The following RNPS1 variants were observed in gnomAD, a reference collection of about 807,000 sequenced individuals.
RNPS1 encodes RNA-binding protein with serine-rich domain 1.
For missense variants in RNPS1, 300 were observed against 427.6 expected, an observed-to-expected ratio of 0.70 and a Z score of 2.63; for synonymous variants, 147 against 150.0, an observed-to-expected ratio of 0.98 and a Z score of 0.15.
In RNPS1 at chr16:2,261,612, G is replaced by A. The variant is rs571225055; in HGVS notation, c.676+666C>T. 9.8e-5 allele frequency among the ~76,000 whole-genome samples: 15 copies of A among 152,346 alleles called. 1 individual carries two copies. The South Asian group carries it at 2.5e-3, about 25-fold the overall frequency. ...TAACAAGTGTTTTAGTACTGTCTGAGTAGTTAAATATTAAAAGCCAAGGCC... is the reference window on the plus strand; with the variant it reads ...TAACAAGTGTTTTAGTACTGTCTGAATAGTTAAATATTAAAAGCCAAGGCC... On this transcript the variant is annotated intron_variant, in intron 6 of 7. Coordinates refer to ENST00000320225, the MANE Select transcript of RNPS1 (RefSeq NM_080594.4).
At chr16:2,259,302 A>G (rs1567323619) in intron 6 of RNPS1, among the ~76,000 whole-genome samples, 3 of 152,196 alleles carry the variant, frequency 2.0e-5, no homozygotes, top group Non-Finnish European at 1.5e-5. Context: ...AAAATCACGT[A>G]AAACTCCTAC....
At chr16:2,254,509 G>C (rs568921025) in intron 7 of RNPS1, among the ~76,000 whole-genome samples, 1 of 152,214 alleles carries the variant, frequency 6.6e-6, no homozygotes, top group Admixed American at 6.5e-5. Context: ...GTGTTAGCCA[G>C]GATGGTCTCG....
At position 2,253,712 on chromosome 16, in the gene RNPS1, T is replaced by A. The variant is rs547958616; in HGVS notation, c.*252A>T. 1.6e-6 allele frequency: 1 copy of A among 608,222 alleles called. No individual in the cohort carries two copies. The highest frequency in any genetic ancestry group is 2.7e-5 in the Admixed American group (1 of 37,626). 37.7% of individuals were successfully genotyped at this position (608,222 alleles called of 1,614,324 possible). On this transcript the variant is annotated 3_prime_UTR_variant, in exon 8 of 8. Transcript: ENST00000320225. ...TTCCCTGGTGGCTCTGCCACTGAAC[T>A]GACTCTTAGAAACCGGAAACGGATG...
chr16:2,262,154 C>T, intron 6 of RNPS1, 124 bp downstream of exon 6: 1 of 1,011,744 alleles, frequency 9.9e-7, no homozygotes, highest in Non-Finnish European at 1.4e-6. Context: ...CCAGCCTGGG[C>T]AACAAGTGTG....
intron 1 of RNPS1, chr16:2,267,771 C>G (rs2093631153): frequency 7.4e-7 from 1 of 1,350,398 alleles, no homozygotes. Context: ...AGGCCGCGCT[C>G]CCCGCTGGTC....
At chr16:2,262,951 C>T in intron 4 of RNPS1, 109 bp from the exon 5 acceptor site, 1 of 1,306,498 alleles carries the variant, frequency 7.7e-7, no homozygotes. Context: ...ATAAGGAAGA[C>T]TTTCCTGCTA....
At position 2,253,480 on chromosome 16, in the gene RNPS1, G is replaced by T; in HGVS notation, c.*484C>A. On this transcript the variant is annotated 3_prime_UTR_variant, in exon 8 of 8. Coordinates refer to ENST00000320225, the MANE Select transcript of RNPS1 (RefSeq NM_080594.4). ...CCATGGGTGAGAGGATCTTTGAGGG[G>T]GTGTGACCCTTGAGGTCAGAAGAGG... is the stretch of plus-strand genomic sequence containing the variant. 4.3e-6 allele frequency: 1 copy of T among 233,488 alleles called. No homozygotes were observed. Among genetic ancestry groups the T allele is most frequent in the Non-Finnish European group, 8.5e-6 (1 of 117,204 alleles). The allele number at this position is 233,488 out of a possible 1,614,324, so 14.5% of individuals were successfully genotyped here. A position where few individuals can be genotyped will look rare whatever the true frequency, so the allele number is the denominator to read the frequency against.
At chr16:2,264,523 A>G (rs182423566) in intron 2 of RNPS1, 50 bp downstream of exon 2, 25 of 1,581,658 alleles carry the variant, frequency 1.6e-5, no homozygotes, top group Middle Eastern at 1.7e-4. Context: ...GCGGGTCCCT[A>G]GCAGTAAGCA....
At chr16:2,264,372 A>G in intron 2 of RNPS1, 41 bp from the exon 3 acceptor site, 1 of 1,613,300 alleles carries the variant, frequency 6.2e-7, no homozygotes, top group South Asian at 1.1e-5. Flanking sequence ...TGCTCCTCTG[A>G]CCAAACCCAA....
intron 6 of RNPS1, among the ~76,000 whole-genome samples, chr16:2,262,032 C>T (rs1199252531): frequency 6.6e-6 from 1 of 152,204 alleles, no homozygotes; most frequent in Non-Finnish European, 1.5e-5. Flanking sequence ...CAGGCCTTTT[C>T]CCTGCAACTG....
rs2093618320 is a variant in RNPS1 at position 2,264,778 on chromosome 16, G to C, written c.-117-18C>G. 6.7e-7 allele frequency: 1 copy of C among 1,490,748 alleles called. No homozygotes were observed. The highest frequency in any genetic ancestry group is 2.4e-5 in the Admixed American group (1 of 40,964). 92.3% of individuals were successfully genotyped at this position (1,490,748 alleles called of 1,614,324 possible). On this transcript the variant is annotated intron_variant, in intron 1 of 7. Coordinates refer to ENST00000320225, the MANE Select transcript of RNPS1 (RefSeq NM_080594.4). ...AGAGCAGCCTAATAACAAGATAAAAGGGTTTAAAGAGTGAACGAATTGGCA... is the reference window on the plus strand; with the variant it reads ...AGAGCAGCCTAATAACAAGATAAAACGGTTTAAAGAGTGAACGAATTGGCA...
chr16:2,266,814 A>G (rs560110988), intron 1 of RNPS1: 501 of 591,676 alleles, frequency 8.5e-4, no homozygotes, highest in South Asian at 1.3e-3. Flanking sequence ...ACACATCCAA[A>G]ATATTATCTT....
At chr16:2,260,057 A>G (rs1264791885) in intron 6 of RNPS1, among the ~76,000 whole-genome samples, 11 of 151,892 alleles carry the variant, frequency 7.2e-5, no homozygotes, top group Non-Finnish European at 1.6e-4. Flanking sequence ...ACAATTAAGT[A>G]TACGCCTAGG....
intron 7 of RNPS1, among the ~76,000 whole-genome samples, chr16:2,255,089 T>C (rs979649597): frequency 6.6e-6 from 1 of 152,198 alleles, no homozygotes; most frequent in African/African-American, 2.4e-5. Flanking sequence ...CTGATGGGCC[T>C]GCCCTGAGCT....
At position 2,264,561 on chromosome 16, in the gene RNPS1, C is replaced by G; in HGVS notation, c.71+12G>C. 6.2e-7 allele frequency: 1 copy of G among 1,612,510 alleles called. No individual in the cohort carries two copies. The highest frequency in any genetic ancestry group is 8.5e-7 in the Non-Finnish European group (1 of 1,179,024). On this transcript the variant is annotated intron_variant, in intron 2 of 7. Transcript: ENST00000320225. The stretch of plus-strand genomic sequence containing the variant: ...CCCAAGTAGCACTAGAAAAATCTTA[C>G]AGAAGGATTACCTAGTGCTGGACTT...
chr16:2,262,151 G>T, intron 6 of RNPS1, 127 bp downstream of exon 6: 1 of 974,978 alleles, frequency 1.0e-6, no homozygotes, highest in Non-Finnish European at 1.5e-6. Flanking sequence ...ACCCCAGCCT[G>T]GGCAACAAGT....
intron 1 of RNPS1, chr16:2,266,700 C>T (rs1303796548): frequency 2.0e-6 from 2 of 985,326 alleles, no homozygotes; most frequent in African/African-American, 3.5e-5. Flanking sequence ...GAATCACCTG[C>T]AGCAGCACTG....
At chr16:2,267,586 T>G in intron 1 of RNPS1, 1 of 1,064,642 alleles carries the variant, frequency 9.4e-7, no homozygotes, top group Non-Finnish European at 1.1e-6. Flanking sequence ...TTCCACCGCA[T>G]CCCACAAAGA....
In RNPS1 at chr16:2,264,379, C is replaced by T. The variant is rs949203406; in HGVS notation, c.72-48G>A. Reference sequence around the variant, plus strand: ...AGATTGCGTGCTCCTCTGACCAAACCCAAACAGCACAACCCAAAACGGGGG... The same window carrying T: ...AGATTGCGTGCTCCTCTGACCAAACTCAAACAGCACAACCCAAAACGGGGG... On this transcript the variant is annotated intron_variant, in intron 2 of 7. Transcript: ENST00000320225. 2.5e-6 allele frequency: 4 copies of T among 1,612,252 alleles called. No homozygotes were observed. In the South Asian group the frequency reaches 3.3e-5, roughly 13 times the overall value.
Sources: gnomAD v4.1 joint callset for allele counts (sites outside exome capture counted in the v4.1 genomes callset) on GRCh38, gnomAD v4.1.1 for gene constraint, MANE v1.5 for transcripts, NCBI Gene and HGNC (gene_info 2026-07-23, HGNC 2026-07-21) for gene names.